CNIH3: variants seen among roughly 807,000 people sequenced by gnomAD.
CNIH3 encodes protein cornichon homolog 3.
In CNIH3, 14 loss-of-function variants were observed where a neutral mutation model predicts 24.1. That is an observed-to-expected ratio of 0.58 (90% CI 0.38 to 0.91). CNIH3 has a LOEUF of 0.91. CNIH3 is among the 40% of genes least tolerant of loss of function. CNIH3 has a pLI of 0.00. For synonymous variants in CNIH3, 68 were observed against 73.8 expected, an observed-to-expected ratio of 0.92 and a Z score of 0.40; for missense variants, 178 against 196.8, an observed-to-expected ratio of 0.90 and a Z score of 0.57.
intron 5 of CNIH3, 93 bp downstream of exon 5, chr1:224,734,799 C>T (rs559683947): frequency 1.4e-5 from 19 of 1,368,460 alleles, no homozygotes; most frequent in South Asian, 2.5e-5. Context: ...TGGGAGATGG[C>T]GTGCGAGGGT....
At chr1:224,530,211 T>C (rs1679010729) in intron 2 of CNIH3, among the ~76,000 whole-genome samples, 1 of 152,226 alleles carries the variant, frequency 6.6e-6, no homozygotes, top group Non-Finnish European at 1.5e-5. Flanking sequence ...GAGAATATGC[T>C]GTAAAATCTT....
intron 1 of CNIH3, among the ~76,000 whole-genome samples, chr1:224,450,817 A>C (rs982640192): frequency 6.6e-6 from 1 of 152,248 alleles, no homozygotes; most frequent in African/African-American, 2.4e-5. Flanking sequence ...GTCTGTGTCA[A>C]GATGGCCTGT....
chr1:224,687,521 C>T (rs1006294860), intron 3 of CNIH3, among the ~76,000 whole-genome samples: 1 of 152,212 alleles, frequency 6.6e-6, no homozygotes, highest in Non-Finnish European at 1.5e-5. Context: ...GGATGAGCCA[C>T]CATGCCCAGC....
At chr1:224,603,555 G>A (rs1406766287) in intron 3 of CNIH3, among the ~76,000 whole-genome samples, 3 of 152,182 alleles carry the variant, frequency 2.0e-5, no homozygotes, top group Admixed American at 2.0e-4. Flanking sequence ...GGTGGCATAT[G>A]TTGGTCTCCC....
intron 3 of CNIH3, among the ~76,000 whole-genome samples, chr1:224,708,232 GGCCTCTCTCC>G (rs1275602756): frequency 6.6e-6 from 1 of 151,732 alleles, no homozygotes; most frequent in Non-Finnish European, 1.5e-5. Flanking sequence ...CCCATCTCAG[GGCCTCTCTCC>G]TCTCAGGGCC....
chr1:224,473,722 A>G (rs1676458575), intron 1 of CNIH3, among the ~76,000 whole-genome samples: 1 of 152,226 alleles, frequency 6.6e-6, no homozygotes, highest in Non-Finnish European at 1.5e-5. Context: ...CCCCACTTCC[A>G]GCATTGGGCA....
At chr1:224,588,848 T>C (rs1035189338), downstream of CNIH3, among the ~76,000 whole-genome samples, 1 of 151,872 alleles carries the variant, frequency 6.6e-6, no homozygotes, top group African/African-American at 2.4e-5. Flanking sequence ...AAGGACCAGC[T>C]TCTCAGGCTT....
intron 1 of CNIH3, among the ~76,000 whole-genome samples, chr1:224,494,946 A>C (rs1288549822): frequency 1.3e-5 from 2 of 152,092 alleles, no homozygotes; most frequent in Non-Finnish European, 2.9e-5. Context: ...ACTTTCCCCT[A>C]TTCAGGGGCT....
chr1:224,580,927 C>T (rs997940694), intron 4 of CNIH3, among the ~76,000 whole-genome samples: 1 of 152,106 alleles, frequency 6.6e-6, no homozygotes, highest in African/African-American at 2.4e-5. Context: ...AATATGCATT[C>T]ATCTTGGGGT....
intron 3 of CNIH3, among the ~76,000 whole-genome samples, chr1:224,608,948 A>G (rs143768316): frequency 5.3e-4 from 81 of 152,152 alleles, no homozygotes; most frequent in Non-Finnish European, 1.2e-4. Flanking sequence ...CACTCGCCCA[A>G]CTCCTGAAAT....
intron 3 of CNIH3, among the ~76,000 whole-genome samples, chr1:224,561,727 A>G (rs1372949647): frequency 6.6e-6 from 1 of 152,188 alleles, no homozygotes; most frequent in Non-Finnish European, 1.5e-5. Flanking sequence ...CTGCCTATGC[A>G]TGCTCTCTCC....
At chr1:224,608,573 A>G (rs1313725809) in intron 3 of CNIH3, among the ~76,000 whole-genome samples, 1 of 152,202 alleles carries the variant, frequency 6.6e-6, no homozygotes, top group Non-Finnish European at 1.5e-5. Context: ...TCCATACAAT[A>G]TCTGGAATCT....
intron 1 of CNIH3, among the ~76,000 whole-genome samples, chr1:224,461,719 G>T (rs2102983423): frequency 6.6e-6 from 1 of 152,274 alleles, no homozygotes. Context: ...TAACAAAGTT[G>T]TGCAACAACC....
In CNIH3 at chr1:224,699,016, C is replaced by A. The variant is rs911019476; in HGVS notation, c.198+14173C>A. ...TTAGTAAGTGCAGGGTCTGGATTCACACCCAAATCCCTGCCCTTTCTGATA... is the reference window on the plus strand; with the variant it reads ...TTAGTAAGTGCAGGGTCTGGATTCAAACCCAAATCCCTGCCCTTTCTGATA... On this transcript the variant is annotated intron_variant, in intron 3 of 5. Coordinates refer to ENST00000272133, the MANE Select transcript of CNIH3 (RefSeq NM_152495.2). 2.0e-5 allele frequency among the ~76,000 whole-genome samples: 3 copies of A among 152,208 alleles called. No homozygotes were observed. In the East Asian group the frequency reaches 5.8e-4, roughly 29 times the overall value.
chr1:224,643,024 G>T (rs1684434126), intron 1 of CNIH3, among the ~76,000 whole-genome samples: 1 of 152,158 alleles, frequency 6.6e-6, no homozygotes, highest in South Asian at 2.1e-4. Context: ...CTCCATTTCT[G>T]CCTGTGTCAA....
In CNIH3 at chr1:224,549,525, CTG is replaced by C. The variant is rs1171161127; in HGVS notation, n.450+2588_450+2589del. Reference sequence around the variant, plus strand: ...GATGATATTTTCTTAATATCACAGACTGTATGCACACACTAAATGTTACAGAC... The same window carrying C: ...GATGATATTTTCTTAATATCACAGACTATGCACACACTAAATGTTACAGAC... On this transcript the variant is annotated intron_variant and non_coding_transcript_variant, in intron 3 of 5. Transcript: ENST00000471578. Among the ~76,000 whole-genome samples the C allele has an allele frequency of 1.1e-4, 17 of 152,106 alleles. No individual in the cohort carries two copies. In the East Asian group the frequency reaches 1.4e-3, roughly 12 times the overall value.
At chr1:224,694,790 A>T (rs1687087279) in intron 3 of CNIH3, among the ~76,000 whole-genome samples, 1 of 152,256 alleles carries the variant, frequency 6.6e-6, no homozygotes, top group South Asian at 2.1e-4. Context: ...CTTTGCGGCA[A>T]CTTGGATGGA....
intron 3 of CNIH3, among the ~76,000 whole-genome samples, chr1:224,692,925 T>A (rs1473224392): frequency 6.6e-6 from 1 of 152,216 alleles, no homozygotes; most frequent in Non-Finnish European, 1.5e-5. Context: ...ACATAGGGCC[T>A]CAGGGAGCCT....
At chr1:224,655,146 G>C (rs780934119) in intron 1 of CNIH3, among the ~76,000 whole-genome samples, 8 of 152,068 alleles carry the variant, frequency 5.3e-5, no homozygotes, top group South Asian at 4.2e-4. Context: ...GGAGGAGGCT[G>C]TTACTAGAAC....
Sources: allele counts gnomAD v4.1 joint callset (sites outside exome capture counted in the v4.1 genomes callset), GRCh38; gene constraint gnomAD v4.1.1; transcripts MANE v1.5; gene names NCBI Gene and HGNC (gene_info 2026-07-23, HGNC 2026-07-21).